LRRC74B: variants seen among roughly 807,000 people sequenced by gnomAD.
LRRC74B encodes the protein leucine rich repeat containing 74B, also known as leucine-rich repeat-containing protein 74B.
A neutral mutation model predicts 16.6 loss-of-function variants in LRRC74B; 30 were observed. That is an observed-to-expected ratio of 1.80 (90% CI 1.35 to 2.45). The LOEUF is 2.45. Ranked by LOEUF, LRRC74B falls within the 30% of genes most tolerant of loss-of-function variation. The pLI, the probability that LRRC74B is intolerant of heterozygous loss-of-function variation, is 0.00. For synonymous variants in LRRC74B, 134 were observed against 86.0 expected, an observed-to-expected ratio of 1.56 and a Z score of -3.09; for missense variants, 326 against 202.4, an observed-to-expected ratio of 1.61 and a Z score of -3.71.
exon 3 of LRRC74B, chr22:21,047,971 G>A (rs1929625871): frequency 1.4e-6 from 1 of 717,342 alleles, no homozygotes; most frequent in Non-Finnish European, 2.6e-6. Flanking sequence ...TGGGGCAGGT[G>A]CAGAGGCCCT....
chr22:21,047,126 T>C (rs1300782154), intron 1 of LRRC74B, among the ~76,000 whole-genome samples: 1 of 151,952 alleles, frequency 6.6e-6, no homozygotes, highest in Non-Finnish European at 1.5e-5. Flanking sequence ...TCTAGCTATG[T>C]TGCCCAGGTT....
intron 6 of LRRC74B, 197 bp downstream of exon 6, chr22:21,053,672 A>G: frequency 2.0e-6 from 1 of 504,772 alleles, no homozygotes. Flanking sequence ...TGCCCAGGGT[A>G]GAGTGCAGTG....
chr22:21,049,666 G>A (rs1929825030), intron 4 of LRRC74B, among the ~76,000 whole-genome samples: 1 of 151,732 alleles, frequency 6.6e-6, no homozygotes, highest in African/African-American at 2.4e-5. Context: ...TTCCCAGACT[G>A]GCGGACAGCA....
At chr22:21,054,884 G>A (rs556000501) in intron 6 of LRRC74B, among the ~76,000 whole-genome samples, 4 of 152,294 alleles carry the variant, frequency 2.6e-5, no homozygotes, top group South Asian at 2.1e-4. Flanking sequence ...GGACAGGGAC[G>A]CTTTAGGTGT....
At chr22:21,057,277 T>G in intron 8 of LRRC74B, 77 bp downstream of exon 8, 1 of 689,452 alleles carries the variant, frequency 1.5e-6, no homozygotes, top group Middle Eastern at 2.4e-4. Flanking sequence ...AAGAAGAAAG[T>G]GAGGGTTACA....
At chr22:21,050,980 CAAAAAAAAAAA>C (rs56383758) in intron 4 of LRRC74B, among the ~76,000 whole-genome samples, 2 of 73,426 alleles carry the variant, frequency 2.7e-5, no homozygotes, top group Non-Finnish European at 5.5e-5. Flanking sequence ...GACTCCGTCT[CAAAAAAAAAAA>C]AAAAAAAAAA....
chr22:21,053,040 G>A (rs1930195321), intron 5 of LRRC74B, among the ~76,000 whole-genome samples: 2 of 152,306 alleles, frequency 1.3e-5, no homozygotes, highest in South Asian at 4.1e-4. Context: ...CCATTAAGTG[G>A]GTGTGGAGTC....
Position 21,047,962 on chromosome 22 carries a change from G to A in LRRC74B, c.361G>A (p.Gly121Arg), listed in dbSNP as rs1929624245. The A allele has an allele frequency of 4.2e-6, 3 of 717,284 alleles. No homozygotes were observed. In the African/African-American group the frequency reaches 5.2e-5, roughly 13 times the overall value. The allele number at this position is 717,284 out of a possible 1,614,324, so 44.4% of individuals were successfully genotyped here. A position where few individuals can be genotyped will look rare whatever the true frequency, so the allele number is the denominator to read the frequency against. Residue 121 changes from glycine (G) to arginine (R), a missense_variant, in exon 3 of 9, where the codon GGG (glycine) becomes AGG (arginine). By Grantham distance (125) the Gly-to-Arg change is moderately radical (BLOSUM62 -2). Coordinates refer to ENST00000442047, the Ensembl canonical transcript of LRRC74B. ...GGACCTTCGAGACAATGGGCTCTGT[G>A]GGGCAGGTGCAGAGGCCCTGGCAGG... is the stretch of plus-strand genomic sequence containing the variant.
intron 7 of LRRC74B, chr22:21,056,493 C>T (rs1930526065): frequency 6.7e-6 from 1 of 149,274 alleles, no homozygotes; most frequent in Non-Finnish European, 1.5e-5. Context: ...CAGAGCAAGA[C>T]TCTGTCTCAA....
At chr22:21,062,428 A>G (rs1930850485), downstream of LRRC74B, 1 of 152,148 alleles carries the variant, frequency 6.6e-6, no homozygotes. Context: ...AAAAAGTATA[A>G]ATATGGCCAG....
intron 4 of LRRC74B, among the ~76,000 whole-genome samples, chr22:21,050,789 A>G (rs1929966766): frequency 6.6e-6 from 1 of 150,566 alleles, no homozygotes; most frequent in Admixed American, 6.6e-5. Flanking sequence ...AAAAAAAAAA[A>G]AAAAAAAAAA....
At chr22:21,053,272 CT>C in intron 5 of LRRC74B, 87 bp from the exon 6 acceptor site, 1 of 666,326 alleles carries the variant, frequency 1.5e-6, no homozygotes, top group Non-Finnish European at 2.8e-6. Flanking sequence ...ATCTTTGCAC[CT>C]CAGGGCTCCT....
At chr22:21,047,296 G>A (rs1929526833) in intron 1 of LRRC74B, 60 bp from the exon 2 acceptor site, 3 of 693,780 alleles carry the variant, frequency 4.3e-6, no homozygotes, top group African/African-American at 1.8e-5. Flanking sequence ...ACAGGGCAGG[G>A]GAGGACACAG....
downstream of LRRC74B, chr22:21,062,510 C>G (rs927568564): frequency 6.6e-6 from 1 of 151,902 alleles, no homozygotes; most frequent in African/African-American, 2.4e-5. Context: ...GTCAGGAGAT[C>G]GAGACCATCC....
chr22:21,056,846 C>A, intron 7 of LRRC74B: 2 of 442,484 alleles, frequency 4.5e-6, no homozygotes, highest in East Asian at 4.1e-5. Flanking sequence ...TCCCCTCTCC[C>A]CAGCAGGCAA....
intron 5 of LRRC74B, 114 bp downstream of exon 5, chr22:21,052,472 C>G (rs1275014461): frequency 4.5e-6 from 3 of 667,368 alleles, no homozygotes; most frequent in African/African-American, 3.6e-5. Flanking sequence ...CTTTTAAGCA[C>G]AGCTTAAAGA....
chr22:21,060,831 G>A (rs1403648590), downstream of LRRC74B, among the ~76,000 whole-genome samples: 1 of 152,196 alleles, frequency 6.6e-6, no homozygotes, highest in Non-Finnish European at 1.5e-5. Context: ...CCATGTTCAT[G>A]TTCTGGTGAC....
downstream of LRRC74B, chr22:21,062,293 A>G (rs1248114590): frequency 2.0e-5 from 3 of 152,098 alleles, no homozygotes; most frequent in East Asian, 5.8e-4. Flanking sequence ...GTGATGTGCG[A>G]CTCTATGAAT....
chr22:21,058,509 G>C (rs149305713), intron 8 of LRRC74B, among the ~76,000 whole-genome samples: 1 of 151,582 alleles, frequency 6.6e-6, no homozygotes, highest in South Asian at 2.1e-4. Flanking sequence ...GCCAGATTCT[G>C]TCTCAAAAAA....
Sources: gnomAD v4.1 joint callset for allele counts (sites outside exome capture counted in the v4.1 genomes callset) on GRCh38, gnomAD v4.1.1 for gene constraint, MANE v1.5 for transcripts, NCBI Gene and HGNC (gene_info 2026-07-23, HGNC 2026-07-21) for gene names.